Variants in LUZP2 observed in about 807,000 individuals in gnomAD.
LUZP2 encodes leucine zipper protein 2.
In LUZP2, 52 loss-of-function variants were observed where a neutral mutation model predicts 51.6. The observed-to-expected ratio is 1.01, with a 90% CI of 0.81 to 1.27. The LOEUF is 1.27. LUZP2 is among the 50% of genes most tolerant of loss of function. The pLI, the probability that LUZP2 is intolerant of heterozygous loss-of-function variation, is 0.00. For missense variants in LUZP2, 436 were observed against 395.4 expected, an observed-to-expected ratio of 1.10 and a Z score of -0.87; for synonymous variants, 154 against 137.3, an observed-to-expected ratio of 1.12 and a Z score of -0.85.
chr11:24,669,845 A>T lies in LUZP2; in HGVS notation c.63-59324A>T, dbSNP rs1016198851. On this transcript the variant is annotated intron_variant, in intron 1 of 11. Transcript: ENST00000336930. ...TAAAAAATCCTGTCCTGAAGCAAAG[A>T]GAGGAGAAATATAATTTCTATTGAT... 2.0e-5 allele frequency among the ~76,000 whole-genome samples: 3 copies of T among 152,186 alleles called. No homozygotes were observed. In the East Asian group the frequency reaches 5.8e-4, roughly 29 times the overall value.
Position 24,951,669 on chromosome 11 carries a change from A to G in LUZP2, c.523-24922A>G, listed in dbSNP as rs990125461. 2.6e-5 allele frequency among the ~76,000 whole-genome samples: 4 copies of G among 151,532 alleles called. No homozygotes were observed. The Admixed American group carries it at 2.6e-4, about 10-fold the overall frequency. On this transcript the variant is annotated intron_variant, in intron 7 of 11. Transcript: ENST00000336930. ...ACATATATATATAAAGATTTATGCT[A>G]CTAGAGATCAGTAGGTTTTCAATTA...
chr11:25,031,766 ATT>A (rs1232806337), intron 9 of LUZP2, among the ~76,000 whole-genome samples: 1 of 152,066 alleles, frequency 6.6e-6, no homozygotes, highest in East Asian at 1.9e-4. Flanking sequence ...CATTCCTAAC[ATT>A]TAACATATAC....
intron 4 of LUZP2, among the ~76,000 whole-genome samples, chr11:24,751,876 A>T (rs1859601968): frequency 6.6e-6 from 1 of 152,132 alleles, no homozygotes; most frequent in Non-Finnish European, 1.5e-5. Flanking sequence ...CCAAGGAGTT[A>T]ACCTATACAG....
At position 24,984,524 on chromosome 11, in the gene LUZP2, T is replaced by TTATATATATATATATATATATA. The variant is rs1209500084; in HGVS notation, c.765+1236_765+1257dup. On this transcript the variant is annotated intron_variant, in intron 9 of 11. Coordinates refer to ENST00000336930, the MANE Select transcript of LUZP2 (RefSeq NM_001009909.4). The stretch of plus-strand genomic sequence containing the variant: ...TGTTTTTATATGTAAATTACATATT[T>TTATATATATATATATATATATA]TATATATATATATATATATATATAT... 4.9e-4 allele frequency among the ~76,000 whole-genome samples: 44 copies of TTATATATATATATATATATATA among 90,038 alleles called. 3 individuals carry two copies. The East Asian group carries it at 8.6e-3, about 18-fold the overall frequency. 59.1% of individuals were successfully genotyped at this position (90,038 alleles called of 152,430 possible).
chr11:24,646,173 A>G (rs1184706635), intron 1 of LUZP2, among the ~76,000 whole-genome samples: 1 of 152,084 alleles, frequency 6.6e-6, no homozygotes, highest in Non-Finnish European at 1.5e-5. Flanking sequence ...ATAAGAACTC[A>G]ATGAATGTTG....
intron 1 of LUZP2, among the ~76,000 whole-genome samples, chr11:24,670,322 A>T (rs1002802345): frequency 5.9e-5 from 9 of 152,066 alleles, no homozygotes; most frequent in African/African-American, 2.2e-4. Flanking sequence ...AAGGATGACT[A>T]TGGTCATAAT....
At chr11:24,568,660 G>A (rs114309223) in intron 1 of LUZP2, among the ~76,000 whole-genome samples, 2,123 of 151,910 alleles carry the variant, frequency 0.014, 40 homozygotes, top group South Asian at 0.06. Context: ...TCACCAGGAC[G>A]AAAAGTATTA....
At chr11:24,507,876 T>C (rs940841091) in intron 1 of LUZP2, among the ~76,000 whole-genome samples, 5 of 151,980 alleles carry the variant, frequency 3.3e-5, no homozygotes, top group Non-Finnish European at 5.9e-5. Context: ...AATGTGTGAA[T>C]TAAATAGAAT....
At chr11:24,620,354 T>C (rs976011727) in intron 1 of LUZP2, among the ~76,000 whole-genome samples, 29 of 152,118 alleles carry the variant, frequency 1.9e-4, no homozygotes, top group African/African-American at 6.5e-4. Context: ...AGTACAGGGG[T>C]ATTGAGACTC....
At chr11:24,944,361 C>T (rs1279050222) in intron 7 of LUZP2, among the ~76,000 whole-genome samples, 2 of 152,132 alleles carry the variant, frequency 1.3e-5, no homozygotes, top group Non-Finnish European at 2.9e-5. Flanking sequence ...GGACCCTGTG[C>T]TCCCAAACAA....
At chr11:24,540,398 G>C (rs934851380) in intron 1 of LUZP2, among the ~76,000 whole-genome samples, 6 of 152,032 alleles carry the variant, frequency 3.9e-5, no homozygotes, top group Admixed American at 2.0e-4. Flanking sequence ...CCTCATGATA[G>C]GTTTAATAAC....
chr11:24,755,023 T>C (rs1227593231), intron 4 of LUZP2, among the ~76,000 whole-genome samples: 7 of 151,872 alleles, frequency 4.6e-5, no homozygotes, highest in Non-Finnish European at 1.5e-5. Context: ...GCGGGGCTTG[T>C]AATCCCAGCT....
chr11:24,909,126 A>G (rs1021881225), intron 6 of LUZP2, among the ~76,000 whole-genome samples: 3 of 151,268 alleles, frequency 2.0e-5, no homozygotes, highest in African/African-American at 7.3e-5. Flanking sequence ...ACTGTGAGGA[A>G]AACCCCTAAA....
At chr11:24,695,241 A>G (rs1272175016) in intron 1 of LUZP2, among the ~76,000 whole-genome samples, 2 of 152,138 alleles carry the variant, frequency 1.3e-5, no homozygotes, top group Admixed American at 6.6e-5. Flanking sequence ...GAACATTTAT[A>G]CATTCTCACA....
At chr11:24,820,967 A>C (rs1850340820) in intron 5 of LUZP2, among the ~76,000 whole-genome samples, 1 of 152,190 alleles carries the variant, frequency 6.6e-6, no homozygotes, top group Admixed American at 6.5e-5. Context: ...AGTCAGAATC[A>C]TGTTTCACAT....
chr11:24,762,459 T>A (rs1860016328), intron 4 of LUZP2, among the ~76,000 whole-genome samples: 1 of 152,048 alleles, frequency 6.6e-6, no homozygotes. Context: ...ATTAGAAAAA[T>A]TAAATTCACC....
intron 5 of LUZP2, among the ~76,000 whole-genome samples, chr11:24,776,994 GTTT>G (rs34070504): frequency 6.6e-5 from 9 of 136,788 alleles, no homozygotes; most frequent in Admixed American, 7.4e-5. Flanking sequence ...ACTGTAAGTA[GTTT>G]TTTTTTTTTT....
At chr11:24,597,917 C>T (rs1318938849) in intron 1 of LUZP2, among the ~76,000 whole-genome samples, 3 of 152,040 alleles carry the variant, frequency 2.0e-5, no homozygotes, top group African/African-American at 7.2e-5. Context: ...GCCTTGTCAA[C>T]ATGGTGAACC....
chr11:24,763,023 AT>A (rs773737839), intron 4 of LUZP2: 1 of 736,692 alleles, frequency 1.4e-6, no homozygotes, highest in Non-Finnish European at 1.7e-6. Context: ...TAAAAAAAAA[AT>A]AATAAATAGT....
Sources: allele counts gnomAD v4.1 joint callset (sites outside exome capture counted in the v4.1 genomes callset), GRCh38; gene constraint gnomAD v4.1.1; transcripts MANE v1.5; gene names NCBI Gene and HGNC (gene_info 2026-07-23, HGNC 2026-07-21).